CPZ: variants seen among roughly 807,000 people sequenced by gnomAD.
CPZ encodes the protein carboxypeptidase Z.
Under a neutral mutation model 61.8 loss-of-function variants are expected in CPZ, and 103 were observed. That is an observed-to-expected ratio of 1.67 (90% CI 1.42 to 1.96). The LOEUF (loss-of-function observed/expected upper bound fraction) is 1.96, where lower values mean the gene tolerates loss of function less well. Among genes scored for constraint, CPZ ranks in the 30% most tolerant of loss-of-function variants. CPZ has a pLI of 0.00. For missense variants in CPZ, 1,461 were observed against 914.9 expected, an observed-to-expected ratio of 1.60 and a Z score of -7.70; for synonymous variants, 551 against 373.7, an observed-to-expected ratio of 1.47 and a Z score of -5.47.
intron 1 of CPZ, 143 bp downstream of exon 1, chr4:8,593,064 C>A: frequency 1.6e-6 from 1 of 644,504 alleles, no homozygotes; most frequent in Non-Finnish European, 2.5e-6. Context: ...CCAAAGTGGG[C>A]AGCATGTGGC....
chr4:8,593,306 G>C (rs1160872563), intron 1 of CPZ, among the ~76,000 whole-genome samples: 1 of 152,204 alleles, frequency 6.6e-6, no homozygotes, highest in Non-Finnish European at 1.5e-5. Flanking sequence ...TTCCAGGAAC[G>C]GGACAGTCTC....
chr4:8,605,599 C>CATCCATCCATCCATCCATCATTTATAT (rs1560294148), intron 4 of CPZ, among the ~76,000 whole-genome samples: 1 of 89,204 alleles, frequency 1.1e-5, no homozygotes, highest in South Asian at 3.5e-4. Flanking sequence ...AGCCATTATT[C>CATCCATCCATCCATCCATCATTTATAT]ATCCATCCAT....
chr4:8,614,535 T>G (rs767703395), intron 9 of CPZ, 37 bp downstream of exon 9: 3 of 1,602,536 alleles, frequency 1.9e-6, no homozygotes, highest in Non-Finnish European at 2.6e-6. Context: ...GGTCCAGCTG[T>G]GGCCTGGGTG....
At position 8,614,095 on chromosome 4, in the gene CPZ, G is replaced by A. The variant is rs1212111950; in HGVS notation, c.1364-264G>A. ...GCGGGACCCTTAAATGCCTCATGCCGCCATCTGCGGATCTGCAAAGTGGGG... is the reference window on the plus strand; with the variant it reads ...GCGGGACCCTTAAATGCCTCATGCCACCATCTGCGGATCTGCAAAGTGGGG... On this transcript the variant is annotated intron_variant, in intron 8 of 10. Transcript: ENST00000360986. 2.0e-5 allele frequency among the ~76,000 whole-genome samples: 3 copies of A among 152,196 alleles called. No homozygotes were observed. The East Asian group carries it at 5.8e-4, about 29-fold the overall frequency.
chr4:8,619,577 C>G lies in CPZ; in HGVS notation c.1919C>G (p.Ser640Trp). ...SKPWWWSYFT[S>W]LSTHRPRWLL... ...CCCTGGTGGTGGTCCTACTTCACAT[C>G]GCTGAGCACCCACAGGCCACGCTGG... Residue 640 changes from serine (S) to tryptophan (W), a missense_variant, in exon 11 of 11, where the codon TCG becomes TGG. Physicochemically the swap from Ser to Trp is radical, Grantham distance 177. Transcript: ENST00000360986. 6.5e-7 allele frequency: 1 copy of G among 1,526,972 alleles called. No individual in the cohort carries two copies. Among genetic ancestry groups the G allele is most frequent in the Non-Finnish European group, 8.8e-7 (1 of 1,136,888 alleles). 94.6% of individuals were successfully genotyped at this position (1,526,972 alleles called of 1,614,324 possible).
Position 8,592,843 on chromosome 4 carries a change from C to T in CPZ, c.10C>T (p.Pro4Ser), listed in dbSNP as rs1185631033. The change falls in exon 1 of 11, where the codon CCG becomes TCG. Residue 4 changes from proline to serine, a missense_variant. Pro to Ser is a moderately conservative substitution (Grantham distance 74). Transcript: ENST00000360986. ...GGTCCGCCGCCCCACCATGCCGCCCCCGCTGCCGCTGCTGCTCCTTACAGT... is the reference window on the plus strand; with the variant it reads ...GGTCCGCCGCCCCACCATGCCGCCCTCGCTGCCGCTGCTGCTCCTTACAGT... MPP[P>S]LPLLLLTVLV... The T allele has an allele frequency of 9.0e-5, 133 of 1,480,712 alleles. No homozygotes were observed. Among genetic ancestry groups the T allele is most frequent in the Non-Finnish European group, 1.1e-4 (124 of 1,121,658 alleles). The allele number at this position is 1,480,712 out of a possible 1,614,324, so 91.7% of individuals were successfully genotyped here.
At chr4:8,610,080 C>T (rs1414590082) in intron 7 of CPZ, among the ~76,000 whole-genome samples, 4 of 152,258 alleles carry the variant, frequency 2.6e-5, no homozygotes, top group African/African-American at 4.8e-5. Flanking sequence ...TTTGCCAACG[C>T]TTGCTGTGGG....
At chr4:8,608,303 C>T (rs1715226189) in intron 7 of CPZ, among the ~76,000 whole-genome samples, 1 of 152,206 alleles carries the variant, frequency 6.6e-6, no homozygotes, top group Non-Finnish European at 1.5e-5. Flanking sequence ...TGCCCTCCAC[C>T]TCCCTCCCTG....
At chr4:8,609,147 CCCA>C in intron 7 of CPZ, among the ~76,000 whole-genome samples, 1 of 94,124 alleles carries the variant, frequency 1.1e-5, no homozygotes, top group South Asian at 3.3e-4. Flanking sequence ...TACTCATTCA[CCCA>C]CTCCCTCACT....
In CPZ at chr4:8,617,351, A is replaced by T. The variant is rs181305021; in HGVS notation, c.1504-1078A>T. Reference sequence around the variant, plus strand: ...GCAGAGCTGATTTTCTGGCCCAGAGAAAAACCAGCCCCTCTCGGGCTAATG... The same window carrying T: ...GCAGAGCTGATTTTCTGGCCCAGAGTAAAACCAGCCCCTCTCGGGCTAATG... On this transcript the variant is annotated intron_variant, in intron 9 of 10. Transcript: ENST00000360986. Among the ~76,000 whole-genome samples the T allele has an allele frequency of 1.3e-3, 192 of 152,308 alleles. 2 individuals carry two copies. The highest frequency in any genetic ancestry group is 4.5e-3 in the African/African-American group (189 of 41,564).
chr4:8,595,616 CA>C (rs1419097158), intron 1 of CPZ, among the ~76,000 whole-genome samples: 1 of 152,270 alleles, frequency 6.6e-6, no homozygotes, highest in Non-Finnish European at 1.5e-5. Flanking sequence ...GGGCTCCTCC[CA>C]GACCATCCTG....
chr4:8,609,288 C>CTTAT (rs142669821), intron 7 of CPZ, among the ~76,000 whole-genome samples: 1 of 151,644 alleles, frequency 6.6e-6, no homozygotes, highest in African/African-American at 2.4e-5. Context: ...CACTAATTTT[C>CTTAT]TCAGTCATTC....
chr4:8,619,494 G>C lies in CPZ; in HGVS notation c.1836G>C (p.Glu612Asp), dbSNP rs560721385. ...DPLGGASSLGEATEPDPLRAR... is the reference protein window; with the variant it reads ...DPLGGASSLGDATEPDPLRAR... The stretch of plus-strand genomic sequence containing the variant: ...TGGGAGGTGCCAGCTCTTTGGGGGA[G>C]GCCACGGAGCCCGACCCGCTCCGGG... The change falls in exon 11 of 11, where the codon GAG (glutamate) becomes GAC (aspartate). Residue 612 changes from glutamate to aspartate, a missense_variant. Transcript: ENST00000360986. The C allele has an allele frequency of 1.2e-6, 2 of 1,607,510 alleles. No individual in the cohort carries two copies. The highest frequency in any genetic ancestry group is 1.7e-6 in the Non-Finnish European group (2 of 1,175,764).
At chr4:8,598,748 A>C (rs530487962) in intron 1 of CPZ, among the ~76,000 whole-genome samples, 58 of 152,364 alleles carry the variant, frequency 3.8e-4, no homozygotes, top group African/African-American at 1.2e-3. Flanking sequence ...CTTAGCAGCC[A>C]GCATTGCTTA....
At chr4:8,612,360 T>C (rs938383266) in intron 8 of CPZ, among the ~76,000 whole-genome samples, 198 bp downstream of exon 8, 3 of 96,788 alleles carry the variant, frequency 3.1e-5, no homozygotes, top group Non-Finnish European at 3.9e-5. Flanking sequence ...CGTGTGACTG[T>C]TGTGGAGGAC....
At chr4:8,608,847 G>T (rs886384715) in intron 7 of CPZ, among the ~76,000 whole-genome samples, 1 of 152,176 alleles carries the variant, frequency 6.6e-6, no homozygotes, top group African/African-American at 2.4e-5. Context: ...GCCCCAGGGA[G>T]CCGGGTGCAG....
intron 7 of CPZ, among the ~76,000 whole-genome samples, chr4:8,611,564 GT>G (rs1315038200): frequency 1.3e-5 from 2 of 152,282 alleles, no homozygotes; most frequent in Non-Finnish European, 2.9e-5. Context: ...GTGGAGTGGG[GT>G]GGGGAATGAA....
In CPZ at chr4:8,601,324, G is replaced by A. The variant is rs776676610; in HGVS notation, c.323G>A (p.Arg108Gln). ...CTGGGCTGTGCTGTGCTGGCCCCCC[G>A]GTGTGAGGGCGGCTGGGTGCGCAGA... ...RLLGCAVLAP[R>Q]CEGGWVRRPC... Residue 108 changes from arginine to glutamine, a missense_variant, in exon 3 of 11, where the codon CGG becomes CAG. Transcript: ENST00000360986. 104 of 1,608,984 alleles carry A rather than the reference G, an allele frequency of 6.5e-5. No individual in the cohort carries two copies. Among genetic ancestry groups the A allele is most frequent in the Middle Eastern group, 3.3e-4 (2 of 6,070 alleles).
In CPZ at chr4:8,618,556, G is replaced by C. The variant is rs781214302; in HGVS notation, c.1603+28G>C. ...GAGCACGTCCCTGGCTGTCCCCTGGGGACCACGTCTGCCAAGGAAATGCCA... is the reference window on the plus strand; with the variant it reads ...GAGCACGTCCCTGGCTGTCCCCTGGCGACCACGTCTGCCAAGGAAATGCCA... On this transcript the variant is annotated intron_variant, in intron 10 of 10. Coordinates refer to ENST00000360986, the MANE Select transcript of CPZ (RefSeq NM_001014447.3). 3 of 1,603,132 alleles carry C rather than the reference G, an allele frequency of 1.9e-6. No individual in the cohort carries two copies. In the South Asian group the frequency reaches 3.3e-5, roughly 18 times the overall value.
Sources: gnomAD v4.1 joint callset for allele counts (sites outside exome capture counted in the v4.1 genomes callset) on GRCh38, gnomAD v4.1.1 for gene constraint, MANE v1.5 for transcripts, NCBI Gene and HGNC (gene_info 2026-07-23, HGNC 2026-07-21) for gene names.